ATP2B2: variants seen among roughly 807,000 people sequenced by gnomAD.
The protein encoded by ATP2B2 is plasma membrane calcium-transporting ATPase 2.
ATP2B2 carries 15 observed loss-of-function variants against 120.0 expected under a neutral mutation model. The ratio of observed to expected loss-of-function variants is 0.12; its 90% CI spans 0.08 to 0.19. The LOEUF is 0.19. Ranked by LOEUF, ATP2B2 falls within the 10% of genes least tolerant of loss-of-function variation. ATP2B2 has a pLI of 1.00. For missense variants in ATP2B2, 1,045 were observed against 1,719.8 expected (o/e 0.61, Z 6.94); for synonymous variants, 694 against 700.3 (o/e 0.99, Z 0.14).
At chr3:10,367,065 G>A (rs1309015419) in intron 12 of ATP2B2, among the ~76,000 whole-genome samples, 1 of 152,182 alleles carries the variant, frequency 6.6e-6, no homozygotes, top group Admixed American at 6.5e-5. Flanking sequence ...CCCGTGCCTG[G>A]GGTGGTTCTT....
chr3:10,344,762 G>T (rs2060382607), intron 18 of ATP2B2, among the ~76,000 whole-genome samples: 1 of 152,192 alleles, frequency 6.6e-6, no homozygotes, highest in Non-Finnish European at 1.5e-5. Flanking sequence ...CCACCTCATG[G>T]AGCTGCATGA....
chr3:10,526,286 C>T (rs2067089895), intron 3 of ATP2B2, among the ~76,000 whole-genome samples: 1 of 152,180 alleles, frequency 6.6e-6, no homozygotes, highest in Non-Finnish European at 1.5e-5. Flanking sequence ...TACCGGCCAA[C>T]AGAAGCAGAA....
In ATP2B2 at chr3:10,609,507, C is replaced by T. The variant is rs552663007; in HGVS notation, c.-415+10410G>A. On this transcript the variant is annotated intron_variant, in intron 2 of 21. Coordinates refer to the ATP2B2 transcript ENST00000646379. Reference sequence around the variant, plus strand: ...AGAAAGAAAATGAAAGAAAGTCAGCCAACAGAGGCCATCGGTGGGGGTTGG... The same window carrying T: ...AGAAAGAAAATGAAAGAAAGTCAGCTAACAGAGGCCATCGGTGGGGGTTGG... Among the ~76,000 whole-genome samples, 10 of 152,286 alleles carry T rather than the reference C, an allele frequency of 6.6e-5. No individual in the cohort carries two copies. The South Asian group carries it at 1.7e-3, about 25-fold the overall frequency.
chr3:10,598,831 G>A (rs139540487), intron 2 of ATP2B2, among the ~76,000 whole-genome samples: 1 of 152,378 alleles, frequency 6.6e-6, no homozygotes, highest in Non-Finnish European at 1.5e-5. Flanking sequence ...CAACTGAGCA[G>A]GGTTGATGAC....
intron 21 of ATP2B2, chr3:10,338,760 C>T (rs369069630): frequency 3.9e-5 from 12 of 309,912 alleles, no homozygotes; most frequent in Admixed American, 9.7e-5. Context: ...AAGTGGGGGC[C>T]GCTCTGGGCA....
chr3:10,329,152 G>A lies in ATP2B2; in HGVS notation c.3421-27C>T. 1.3e-6 allele frequency: 2 copies of A among 1,537,340 alleles called. No individual in the cohort carries two copies. Among genetic ancestry groups the A allele is most frequent in the Non-Finnish European group, 1.8e-6 (2 of 1,137,112 alleles). On this transcript the variant is annotated intron_variant, in intron 22 of 22. Transcript: ENST00000360273. This position sits in a 1 kb window ranked among gnomAD's most constrained non-coding sequence, Gnocchi z 5.9. ...TGCAAGGGAAGCACAGGGGTCAGGA[G>A]CACTGCCCAGGGACCACAGCCAGGC...
intron 3 of ATP2B2, among the ~76,000 whole-genome samples, chr3:10,525,893 T>A (rs2067081372): frequency 6.6e-6 from 1 of 152,158 alleles, no homozygotes; most frequent in African/African-American, 2.4e-5. Flanking sequence ...TCATTCTCTG[T>A]CATTGTTTTG....
At chr3:10,368,000 C>A (rs2061116096) in intron 12 of ATP2B2, among the ~76,000 whole-genome samples, 1 of 152,140 alleles carries the variant, frequency 6.6e-6, no homozygotes, top group Admixed American at 6.5e-5. Flanking sequence ...GACTTTAGAG[C>A]CAAACCTCTT....
intron 1 of ATP2B2, among the ~76,000 whole-genome samples, chr3:10,484,407 A>T (rs1269729879): frequency 2.6e-5 from 4 of 152,008 alleles, no homozygotes; most frequent in African/African-American, 7.3e-5. Flanking sequence ...GTCTGCATGC[A>T]GGTGAGGATC....
At chr3:10,365,866 G>C (rs56374285) in intron 12 of ATP2B2, among the ~76,000 whole-genome samples, 1 of 4,654 alleles carries the variant, frequency 2.1e-4, no homozygotes, top group Admixed American at 2.0e-3. Flanking sequence ...TGGTGTGTGT[G>C]TATGTGTCAC....
chr3:10,620,737 C>A (rs2069522636), intron 1 of ATP2B2, among the ~76,000 whole-genome samples: 1 of 152,118 alleles, frequency 6.6e-6, no homozygotes, highest in African/African-American at 2.4e-5. Flanking sequence ...ACTCTAACTT[C>A]TCTCCCGGTC....
At chr3:10,538,860 T>C (rs1004864963) in intron 2 of ATP2B2, among the ~76,000 whole-genome samples, 2 of 152,184 alleles carry the variant, frequency 1.3e-5, no homozygotes, top group African/African-American at 4.8e-5. Flanking sequence ...AACATACTGT[T>C]TGAAGTTCTG....
At chr3:10,617,147 T>C (rs1489163099) in intron 2 of ATP2B2, among the ~76,000 whole-genome samples, 1 of 152,228 alleles carries the variant, frequency 6.6e-6, no homozygotes, top group Non-Finnish European at 1.5e-5. Flanking sequence ...GTGATACACA[T>C]CGTTGTAGAT....
intron 1 of ATP2B2, among the ~76,000 whole-genome samples, chr3:10,630,257 T>A (rs1275274832): frequency 2.0e-5 from 3 of 152,228 alleles, no homozygotes; most frequent in African/African-American, 7.2e-5. Context: ...GATTATTTCA[T>A]CACTTAAGTA....
intron 2 of ATP2B2, among the ~76,000 whole-genome samples, chr3:10,546,799 G>A (rs998356036): frequency 1.3e-5 from 2 of 152,162 alleles, no homozygotes; most frequent in South Asian, 2.1e-4. Context: ...GGAAGACCTC[G>A]TATCTGAGAG....
intron 2 of ATP2B2, among the ~76,000 whole-genome samples, chr3:10,437,946 T>A (rs1268960195): frequency 6.6e-6 from 1 of 152,220 alleles, no homozygotes; most frequent in Non-Finnish European, 1.5e-5. Context: ...GATGGCCATC[T>A]ACAAGCCTCC....
upstream of ATP2B2, among the ~76,000 whole-genome samples, chr3:10,506,953 C>A (rs2066648618): frequency 6.6e-6 from 1 of 152,224 alleles, no homozygotes; most frequent in African/African-American, 2.4e-5. Context: ...TGCAGAGGGG[C>A]CACGGGAGGG....
chr3:10,421,544 G>A (rs1178377185), intron 2 of ATP2B2, among the ~76,000 whole-genome samples: 1 of 152,212 alleles, frequency 6.6e-6, no homozygotes, highest in African/African-American at 2.4e-5. Context: ...TGAGTGGCGA[G>A]AAAAAGGAGA....
At chr3:10,432,648 C>T (rs953020071) in intron 2 of ATP2B2, among the ~76,000 whole-genome samples, 4 of 152,362 alleles carry the variant, frequency 2.6e-5, no homozygotes, top group Non-Finnish European at 2.9e-5. Flanking sequence ...ACGCCAGAAG[C>T]GAATCTCACT....
Sources: gnomAD v4.1 joint callset for allele counts (sites outside exome capture counted in the v4.1 genomes callset) on GRCh38, gnomAD v4.1.1 for gene constraint, Gnocchi (gnomAD v3.1) non-coding constraint, MANE v1.5 for transcripts, NCBI Gene and HGNC (gene_info 2026-07-23, HGNC 2026-07-21) for gene names.